Variants in MPRIP observed in about 807,000 individuals in gnomAD.
MPRIP encodes the protein myosin phosphatase Rho-interacting protein.
MPRIP carries 59 observed loss-of-function variants against 234.9 expected under a neutral mutation model. The observed-to-expected ratio is 0.25, with a 90% confidence interval of 0.20 to 0.31. The LOEUF (loss-of-function observed/expected upper bound fraction) is 0.31. MPRIP is among the 10% of genes least tolerant of loss of function. The pLI, the probability that MPRIP is intolerant of heterozygous loss-of-function variation, is 1.00. For missense variants in MPRIP, 2,436 were observed against 3,071.0 expected, an observed-to-expected ratio of 0.79 and a Z score of 4.89; for synonymous variants, 1,144 against 1,263.9, an observed-to-expected ratio of 0.91 and a Z score of 2.01.
At chr17:17,066,377 T>C (rs888728588) in intron 1 of MPRIP, among the ~76,000 whole-genome samples, 1 of 152,264 alleles carries the variant, frequency 6.6e-6, no homozygotes, top group Non-Finnish European at 1.5e-5. Flanking sequence ...CAAATGCTTT[T>C]TCTGCATCAG....
chr17:17,050,863 C>T (rs986542772), intron 1 of MPRIP, among the ~76,000 whole-genome samples: 3 of 152,222 alleles, frequency 2.0e-5, no homozygotes, highest in Non-Finnish European at 4.4e-5. Flanking sequence ...GGCGTATCCC[C>T]CTCTAAACTG....
chr17:17,099,295 A>G (rs1338226142), intron 3 of MPRIP, among the ~76,000 whole-genome samples: 3 of 152,040 alleles, frequency 2.0e-5, no homozygotes, highest in Non-Finnish European at 2.9e-5. Context: ...GCACCTCCCT[A>G]TAGGGTTACT....
At chr17:17,168,731 A>C (rs1291223292) in intron 16 of MPRIP, 5 of 402,134 alleles carry the variant, frequency 1.2e-5, no homozygotes, top group African/African-American at 8.3e-5. Context: ...CTGTGCCCTT[A>C]TGTTCCTTCC....
rs760351613 is a variant in MPRIP, at chr17:17,138,333, A to T, written c.1154A>T (p.Glu385Val). The T allele has an allele frequency of 2.7e-6, 1 of 376,368 alleles. No homozygotes were observed. Among genetic ancestry groups the T allele is most frequent in the Non-Finnish European group, 4.7e-6 (1 of 211,308 alleles). 23.3% of individuals were successfully genotyped at this position (376,368 alleles called of 1,614,324 possible). The change falls in exon 7 of 24, where the codon GAA (glutamate) becomes GTA (valine). Residue 385 changes from glutamate to valine, a missense_variant. Glu to Val is a moderately radical substitution (Grantham distance 121, BLOSUM62 -2). Coordinates refer to ENST00000651222, the MANE Select transcript of MPRIP (RefSeq NM_001364716.4). This position sits in a 1 kb window ranked among gnomAD's most constrained non-coding sequence, Gnocchi z 5.8. ...VPKAIRISHR[E>V]AFQVERRRLE... ...AAGGCCATCAGGATCAGCCACCGAG[A>T]AGCCTTCCAGGTGGAGAGAAGGCGG...
At chr17:17,092,110 G>T (rs2065045742) in intron 3 of MPRIP, among the ~76,000 whole-genome samples, 1 of 152,216 alleles carries the variant, frequency 6.6e-6, no homozygotes, top group Non-Finnish European at 1.5e-5. Context: ...TTGACTGCCT[G>T]TACCATCTTG....
At chr17:17,067,016 C>A (rs1014876025) in intron 1 of MPRIP, among the ~76,000 whole-genome samples, 2 of 151,970 alleles carry the variant, frequency 1.3e-5, no homozygotes, top group African/African-American at 4.8e-5. Context: ...CTTCAGCCTC[C>A]CAAATGCTGG....
chr17:17,146,361 A>T (rs571664706), intron 10 of MPRIP, among the ~76,000 whole-genome samples: 2 of 152,236 alleles, frequency 1.3e-5, no homozygotes, highest in East Asian at 1.9e-4. Flanking sequence ...GGCCTTAGGG[A>T]TGCCTTGTAA....
chr17:17,139,037 C>T (rs186990365), intron 7 of MPRIP, among the ~76,000 whole-genome samples: 1 of 152,324 alleles, frequency 6.6e-6, no homozygotes, highest in African/African-American at 2.4e-5. Context: ...TTTTTGCCCT[C>T]TAAGACTTTG....
chr17:17,187,583 T>G lies in MPRIP; in HGVS notation c.*2689T>G, dbSNP rs918590734. The stretch of plus-strand genomic sequence containing the variant: ...CTGGACATGCCCCAGGAACAGAGAC[T>G]TGCCCAGGTGGCAACACTGGCACAG... On this transcript the variant is annotated 3_prime_UTR_variant, in exon 24 of 24. Transcript: ENST00000651222. The G allele has an allele frequency of 6.6e-6, 1 of 152,252 alleles. No homozygotes were observed. Among genetic ancestry groups the G allele is most frequent in the African/African-American group, 2.4e-5 (1 of 41,454 alleles). 9.4% of individuals were successfully genotyped at this position (152,252 alleles called of 1,614,324 possible).
At chr17:17,133,376 G>A (rs1222101769) in intron 5 of MPRIP, among the ~76,000 whole-genome samples, 4 of 152,166 alleles carry the variant, frequency 2.6e-5, no homozygotes, top group Non-Finnish European at 4.4e-5. Flanking sequence ...GTGGGGTGAC[G>A]TGGGGGCACT....
rs2046533926 is a variant in MPRIP, at chr17:17,189,101, G to A, written c.*4207G>A. On this transcript the variant is annotated 3_prime_UTR_variant, in exon 24 of 24. Coordinates refer to ENST00000651222, the MANE Select transcript of MPRIP (RefSeq NM_001364716.4). ...TAACTTTTCCTGAAAAGAAGAGTTT[G>A]CCTAACATGGTCCTAAAGAAGCTTG... 6.6e-6 allele frequency: 1 copy of A among 151,722 alleles called. No homozygotes were observed. The highest frequency in any genetic ancestry group is 2.4e-5 in the African/African-American group (1 of 41,152). The allele number at this position is 151,722 out of a possible 1,614,324, so 9.4% of individuals were successfully genotyped here.
At chr17:17,073,593 G>A (rs2089253544) in intron 1 of MPRIP, among the ~76,000 whole-genome samples, 2 of 152,218 alleles carry the variant, frequency 1.3e-5, no homozygotes, top group South Asian at 4.1e-4. Flanking sequence ...TCACAGGTGG[G>A]CACTTGTGGC....
At chr17:17,108,219 C>G (rs554529906) in intron 3 of MPRIP, among the ~76,000 whole-genome samples, 1 of 152,316 alleles carries the variant, frequency 6.6e-6, no homozygotes, top group African/African-American at 2.4e-5. Flanking sequence ...CATTCACCCC[C>G]ACTGCCAGCA....
chr17:17,042,894 A>T lies in MPRIP; in HGVS notation c.46A>T (p.Ile16Phe). The T allele has an allele frequency of 6.2e-7, 1 of 1,609,424 alleles. No homozygotes were observed. The highest frequency in any genetic ancestry group is 8.5e-7 in the Non-Finnish European group (1 of 1,178,640). ...ENPCRKFQAN[I>F]FNKSKCQNCF... ...CCCGTGCAGGAAATTCCAGGCCAAC[A>T]TCTTCAACAAGAGCAAGTGTCAGAA... Residue 16 changes from isoleucine to phenylalanine, a missense_variant, in exon 1 of 24, where the codon ATC (isoleucine) becomes TTC (phenylalanine). Physicochemically the swap from Ile to Phe is conservative, Grantham distance 21. Coordinates refer to ENST00000651222, the MANE Select transcript of MPRIP (RefSeq NM_001364716.4).
intron 3 of MPRIP, among the ~76,000 whole-genome samples, chr17:17,098,110 G>T (rs2144195943): frequency 6.6e-6 from 1 of 152,266 alleles, no homozygotes; most frequent in East Asian, 1.9e-4. Flanking sequence ...TCCTGCTGGG[G>T]CCAGGCACCA....
At chr17:17,090,080 G>A (rs182910765) in intron 3 of MPRIP, among the ~76,000 whole-genome samples, 141 of 152,330 alleles carry the variant, frequency 9.3e-4, no homozygotes, top group African/African-American at 3.2e-3. Flanking sequence ...GAGCAGGGTC[G>A]TCTTGTTGGT....
In MPRIP at chr17:17,126,748, A is replaced by G. The variant is rs1567732603; in HGVS notation, c.314A>G (p.Asp105Gly). Residue 105 changes from aspartate to glycine, a missense_variant, in exon 4 of 24, where the codon GAT (aspartate) becomes GGT (glycine). Transcript: ENST00000651222. Reference sequence around the variant, plus strand: ...ACCATCAACATGAACCAGTGCACAGATGTGGTGGATGGGGAGGGCCGCACG... The same window carrying G: ...ACCATCAACATGAACCAGTGCACAGGTGTGGTGGATGGGGAGGGCCGCACG... ...QGTINMNQCT[D>G]VVDGEGRTGQ... The G allele has an allele frequency of 3.1e-6, 5 of 1,614,078 alleles. No individual in the cohort carries two copies. Among genetic ancestry groups the G allele is most frequent in the Non-Finnish European group, 4.2e-6 (5 of 1,179,976 alleles).
rs777108434 is a variant in MPRIP, at chr17:17,175,361, G to C, written c.6819G>C (p.Gly2273=). The C allele has an allele frequency of 6.2e-7, 1 of 1,613,382 alleles. No individual in the cohort carries two copies. Among genetic ancestry groups the C allele is most frequent in the Non-Finnish European group, 8.5e-7 (1 of 1,179,958 alleles). ...CGCTGCTGACTGGGGACGGCGGTGG[G>C]GAGGCCACTGGGTCACCCCTTGCAC... ...LRTLLTGDGG[G]EATGSPLAQG... is the part of the protein sequence containing the mutation. Residue 2273 remains glycine (G), a synonymous_variant, in exon 20 of 24, where the codon GGG becomes GGC. Coordinates refer to ENST00000651222, the MANE Select transcript of MPRIP (RefSeq NM_001364716.4).
intron 1 of MPRIP, among the ~76,000 whole-genome samples, chr17:17,069,088 T>G (rs1358248954): frequency 2.0e-5 from 3 of 152,334 alleles, no homozygotes; most frequent in Non-Finnish European, 4.4e-5. Context: ...TAGTTTTAAC[T>G]TCACATAATT....
Sources: allele counts gnomAD v4.1 joint callset (sites outside exome capture counted in the v4.1 genomes callset), GRCh38; gene constraint gnomAD v4.1.1; non-coding constraint Gnocchi (gnomAD v3.1); transcripts MANE v1.5; gene names NCBI Gene and HGNC (gene_info 2026-07-23, HGNC 2026-07-21).